ZNF536: variants seen among roughly 807,000 people sequenced by gnomAD.
ZNF536 encodes zinc finger protein 536.
A neutral mutation model predicts 84.5 loss-of-function variants in ZNF536; 13 were observed. That is an observed-to-expected ratio of 0.15 (90% CI 0.10 to 0.24). The LOEUF (loss-of-function observed/expected upper bound fraction) is 0.24, where lower values mean the gene tolerates loss of function less well. ZNF536 is among the 10% of genes least tolerant of loss of function. The pLI is 1.00. For synonymous variants in ZNF536, 811 were observed against 742.5 expected (o/e 1.09, Z -1.50); for missense variants, 1,536 against 1,747.5 (o/e 0.88, Z 2.16).
At chr19:30,580,124 C>T (rs916481750) in intron 1 of ZNF536, among the ~76,000 whole-genome samples, 2 of 152,204 alleles carry the variant, frequency 1.3e-5, no homozygotes, top group Non-Finnish European at 2.9e-5. Context: ...CTCTTGCCCT[C>T]AGGGGATCCA....
At chr19:30,258,695 ATATT>A (rs10554010) in intron 1 of ZNF536, among the ~76,000 whole-genome samples, 47,312 of 146,468 alleles carry the variant, frequency 0.32, 11,124 homozygotes, top group African/African-American at 0.62. Context: ...TATTTTTTAA[ATATT>A]TATTTATTTA....
chr19:30,357,279 C>T (rs1243714024), intron 3 of ZNF536, among the ~76,000 whole-genome samples: 2 of 152,138 alleles, frequency 1.3e-5, no homozygotes, highest in Non-Finnish European at 2.9e-5. Flanking sequence ...GGGTGAAGTT[C>T]TGGGAAGAGC....
intron 2 of ZNF536, among the ~76,000 whole-genome samples, chr19:30,453,680 A>T (rs918972709): frequency 6.6e-6 from 1 of 152,238 alleles, no homozygotes; most frequent in Non-Finnish European, 1.5e-5. Context: ...TTCAAAAAAG[A>T]CTGCAGAGTC....
At chr19:30,322,851 G>A (rs766463211) in intron 2 of ZNF536, among the ~76,000 whole-genome samples, 6 of 152,040 alleles carry the variant, frequency 3.9e-5, no homozygotes, top group Non-Finnish European at 5.9e-5. Context: ...CTGGCCTGGC[G>A]CTTCCCACCT....
intron 3 of ZNF536, among the ~76,000 whole-genome samples, chr19:30,541,014 C>G (rs77114399): frequency 3.3e-5 from 5 of 152,220 alleles, no homozygotes; most frequent in Non-Finnish European, 7.3e-5. Context: ...GGCGCTCTGA[C>G]CTCCTGGGAT....
chr19:30,630,433 G>A (rs1386635768), intron 1 of ZNF536, among the ~76,000 whole-genome samples: 2 of 151,826 alleles, frequency 1.3e-5, no homozygotes, highest in African/African-American at 4.8e-5. Context: ...GTGTGTGTTT[G>A]TGTACCTGCG....
chr19:30,459,383 C>A (rs1163114699), intron 2 of ZNF536, among the ~76,000 whole-genome samples: 1 of 138,878 alleles, frequency 7.2e-6, no homozygotes, highest in Non-Finnish European at 1.5e-5. Flanking sequence ...TGGAGTCTCT[C>A]CCTGTCACCC....
At chr19:30,593,733 A>G (rs1409711091) in intron 1 of ZNF536, among the ~76,000 whole-genome samples, 1 of 152,174 alleles carries the variant, frequency 6.6e-6, no homozygotes, top group Admixed American at 6.5e-5. Flanking sequence ...GAGAAAAGCT[A>G]TCAGGACAAG....
intron 3 of ZNF536, among the ~76,000 whole-genome samples, chr19:30,356,736 G>A (rs1031988773): frequency 6.6e-6 from 1 of 152,182 alleles, no homozygotes; most frequent in East Asian, 1.9e-4. Context: ...AGATAGAGTG[G>A]AGCTCATTCT....
chr19:30,285,439 A>G (rs555619991), intron 2 of ZNF536, among the ~76,000 whole-genome samples: 4 of 152,270 alleles, frequency 2.6e-5, no homozygotes, highest in African/African-American at 7.2e-5. Flanking sequence ...GTTTTGCCTT[A>G]AAAAAGAAGA....
intron 1 of ZNF536, among the ~76,000 whole-genome samples, chr19:30,663,998 G>C (rs1440306741): frequency 6.6e-6 from 1 of 152,046 alleles, no homozygotes; most frequent in Non-Finnish European, 1.5e-5. Flanking sequence ...TTTTTTCTAG[G>C]CTTCTTTAAT....
chr19:30,599,795 C>T (rs1033910977), intron 1 of ZNF536, among the ~76,000 whole-genome samples: 1 of 152,188 alleles, frequency 6.6e-6, no homozygotes, highest in African/African-American at 2.4e-5. Flanking sequence ...TAGGTTTTCC[C>T]TGGCAACCTT....
chr19:30,365,129 G>A (rs145020965), intron 3 of ZNF536, among the ~76,000 whole-genome samples: 3 of 152,286 alleles, frequency 2.0e-5, no homozygotes, highest in East Asian at 1.9e-4. Context: ...AAATGAACAC[G>A]TAATTATCTT....
At chr19:30,495,408 G>A (rs911382669) in intron 2 of ZNF536, among the ~76,000 whole-genome samples, 8 of 152,168 alleles carry the variant, frequency 5.3e-5, no homozygotes, top group African/African-American at 1.9e-4. Flanking sequence ...ATAAATGAAT[G>A]AACAGACAAG....
intron 1 of ZNF536, among the ~76,000 whole-genome samples, chr19:30,585,700 G>A (rs1317537668): frequency 6.6e-6 from 1 of 152,102 alleles, no homozygotes; most frequent in East Asian, 1.9e-4. Context: ...TCTCATCCCT[G>A]CTATCTTTCT....
intron 1 of ZNF536, among the ~76,000 whole-genome samples, chr19:30,648,403 C>T (rs985231732): frequency 6.6e-6 from 1 of 152,146 alleles, no homozygotes; most frequent in Non-Finnish European, 1.5e-5. Flanking sequence ...ATCCTTTCTG[C>T]AAACCCACAG....
intron 2 of ZNF536, among the ~76,000 whole-genome samples, chr19:30,492,060 G>A (rs549545668): frequency 1.1e-4 from 17 of 151,430 alleles, no homozygotes; most frequent in Admixed American, 2.6e-4. Context: ...ATGTACATAG[G>A]CGATGGGCAC....
chr19:30,493,259 T>C (rs1002034899), intron 2 of ZNF536, among the ~76,000 whole-genome samples: 27 of 152,028 alleles, frequency 1.8e-4, no homozygotes, highest in African/African-American at 6.3e-4. Context: ...TCACCAGCCA[T>C]ATTTATTGGC....
chr19:30,500,017 G>A (rs1026207450), intron 2 of ZNF536, among the ~76,000 whole-genome samples: 5 of 152,174 alleles, frequency 3.3e-5, no homozygotes, highest in Non-Finnish European at 7.3e-5. Context: ...ATTCCCTCCA[G>A]AAGTACTCCC....
Sources: allele counts gnomAD v4.1 joint callset (sites outside exome capture counted in the v4.1 genomes callset), GRCh38; gene constraint gnomAD v4.1.1; transcripts MANE v1.5; gene names NCBI Gene and HGNC (gene_info 2026-07-23, HGNC 2026-07-21).